The following RYR1 variants were observed in gnomAD, a reference collection of about 807,000 sequenced individuals.
RYR1 encodes central core disease of muscle.
In RYR1, 342 loss-of-function variants were observed where a neutral mutation model predicts 583.5. That is an observed-to-expected ratio of 0.59 (90% CI 0.54 to 0.64). The LOEUF (loss-of-function observed/expected upper bound fraction) is 0.64, where lower values mean the gene tolerates loss of function less well. Among genes scored for constraint, RYR1 ranks in the 30% least tolerant of loss-of-function variants. The pLI is 0.00. For missense variants in RYR1, 6,032 were observed against 6,917.2 expected (o/e 0.87, Z 4.54); for synonymous variants, 2,791 against 2,822.5 (o/e 0.99, Z 0.35).
In RYR1 at chr19:38,475,302, C is replaced by T. The variant is rs1402639127; in HGVS notation, c.4161-16C>T. ...TTGAAAGCTGGCTCTCATGGCGCCT[C>T]TCCTCCCACTACCAGCTTCTTATTC... On this transcript the variant is annotated splice_polypyrimidine_tract_variant and intron_variant, in intron 28 of 105. Coordinates refer to ENST00000359596, the MANE Select transcript of RYR1 (RefSeq NM_000540.3). The T allele has an allele frequency of 1.3e-6, 2 of 1,565,166 alleles. No individual in the cohort carries two copies. Among genetic ancestry groups the T allele is most frequent in the Non-Finnish European group, 1.7e-6 (2 of 1,155,050 alleles).
chr19:38,460,334 T>C lies in RYR1; in HGVS notation c.2361-41T>C. The C allele has an allele frequency of 3.8e-6, 6 of 1,572,096 alleles. No homozygotes were observed. The South Asian group carries it at 4.4e-5, about 12-fold the overall frequency. The stretch of plus-strand genomic sequence containing the variant: ...CCCACTGACCACAGACTGTCCCCCA[T>C]AACCTCCCCTCAATGATCCCCATTG... On this transcript the variant is annotated intron_variant, in intron 19 of 105. Transcript: ENST00000359596.
chr19:38,491,814 A>G (rs1238729451), intron 37 of RYR1, among the ~76,000 whole-genome samples: 2 of 152,116 alleles, frequency 1.3e-5, no homozygotes, highest in South Asian at 4.1e-4. Context: ...TGTTTCTCCT[A>G]TCAGCTCAAA....
intron 70 of RYR1, among the ~76,000 whole-genome samples, chr19:38,524,902 G>A (rs1971401458): frequency 6.6e-6 from 1 of 152,102 alleles, no homozygotes; most frequent in South Asian, 2.1e-4. Context: ...ACTGCTAGAA[G>A]TTGAGACAGG....
At position 38,578,080 on chromosome 19, in the gene RYR1, G is replaced by T. The variant is rs779648001; in HGVS notation, c.14303+32G>T. ...CCAGGACACCCCTGCACAGGCCTGG[G>T]GCATGCAGGGGAGGTGACTGGAGTC... On this transcript the variant is annotated intron_variant, in intron 98 of 105. Coordinates refer to ENST00000359596, the MANE Select transcript of RYR1 (RefSeq NM_000540.3). 17 of 1,613,724 alleles carry T rather than the reference G, an allele frequency of 1.1e-5. No individual in the cohort carries two copies. In the South Asian group the frequency reaches 1.9e-4, roughly 18 times the overall value.
At chr19:38,463,326 G>A in intron 20 of RYR1, 97 bp from the exon 21 acceptor site, 1 of 996,930 alleles carries the variant, frequency 1.0e-6, no homozygotes, top group Non-Finnish European at 1.6e-6. Context: ...GGTGCTGGAG[G>A]AGCCTCCCAG....
chr19:38,508,976 GC>G (rs1225581340), intron 58 of RYR1, among the ~76,000 whole-genome samples: 1 of 152,086 alleles, frequency 6.6e-6, no homozygotes, highest in East Asian at 1.9e-4. Context: ...CTGCTGGGGT[GC>G]CCCCCAGTGC....
chr19:38,439,046 A>G (rs1310981074), intron 1 of RYR1, among the ~76,000 whole-genome samples: 1 of 152,014 alleles, frequency 6.6e-6, no homozygotes, highest in African/African-American at 2.4e-5. Context: ...GACTTTATTC[A>G]CTGCTCTATA....
At chr19:38,441,994 G>A (rs957041232) in intron 2 of RYR1, among the ~76,000 whole-genome samples, 1 of 151,856 alleles carries the variant, frequency 6.6e-6, no homozygotes, top group Non-Finnish European at 1.5e-5. Flanking sequence ...GGAGATTCCT[G>A]TCCTTGGAGC....
chr19:38,584,302 C>T (rs1310254418), intron 101 of RYR1, among the ~76,000 whole-genome samples: 1 of 103,750 alleles, frequency 9.6e-6, no homozygotes, highest in East Asian at 3.5e-4. Context: ...TGTGCCCCCC[C>T]CCACCCATCC....
chr19:38,536,288 C>A (rs1055592202), intron 82 of RYR1, among the ~76,000 whole-genome samples: 3 of 146,704 alleles, frequency 2.0e-5, no homozygotes, highest in Non-Finnish European at 4.5e-5. Flanking sequence ...TCCGCCCCCC[C>A]CCGCCACCAG....
chr19:38,504,850 G>C lies in RYR1; in HGVS notation c.8170G>C (p.Glu2724Gln), dbSNP rs1289644223. Residue 2724 changes from glutamate (E) to glutamine (Q), a missense_variant, in exon 51 of 106, where the codon GAG becomes CAG. Glu to Gln is a conservative substitution (Grantham distance 29). Coordinates refer to ENST00000359596, the MANE Select transcript of RYR1 (RefSeq NM_000540.3). ...GGATGCCTCATACTCATCTAAGGCA[G>C]AGAAAAAGGCCACAGTGGATGCTGA... ...YVDASYSSKAEKKATVDAEGN... is the reference protein window; with the variant it reads ...YVDASYSSKAQKKATVDAEGN... The C allele has an allele frequency of 6.2e-7, 1 of 1,614,050 alleles. No individual in the cohort carries two copies. The highest frequency in any genetic ancestry group is 8.5e-7 in the Non-Finnish European group (1 of 1,180,020).
Position 38,565,663 on chromosome 19 carries a change from G to C in RYR1, c.13329G>C (p.Gly4443=), listed in dbSNP as rs1013631358. The C allele has an allele frequency of 1.2e-5, 16 of 1,391,282 alleles. No individual in the cohort carries two copies. Among genetic ancestry groups the C allele is most frequent in the Non-Finnish European group, 1.5e-5 (16 of 1,083,302 alleles). 86.2% of individuals were successfully genotyped at this position (1,391,282 alleles called of 1,614,324 possible). A position where few individuals can be genotyped will look rare whatever the true frequency, so the allele number is the denominator to read the frequency against. Reference sequence around the variant, plus strand: ...ACGGGGCGGTGGCCGTGACCGATGGGGGCCCCTTCCGGCCCGAAGGGGCTG... The same window carrying C: ...ACGGGGCGGTGGCCGTGACCGATGGCGGCCCCTTCCGGCCCGAAGGGGCTG... ...GADGAVAVTD[G]GPFRPEGAGG... The change falls in exon 91 of 106, where the codon GGG becomes GGC. Residue 4443 remains glycine (G), a synonymous_variant. Transcript: ENST00000359596. The surrounding 1 kb of genome is among the most constrained non-coding windows in gnomAD (Gnocchi z 4.7).
chr19:38,551,833 G>T (rs1254898625), intron 89 of RYR1, among the ~76,000 whole-genome samples: 1 of 152,176 alleles, frequency 6.6e-6, no homozygotes, highest in South Asian at 2.1e-4. Flanking sequence ...CACTGTGCCT[G>T]AGCCCTCCAC....
chr19:38,504,304 G>GAGCT lies in RYR1; in HGVS notation c.8012_8015dup (p.His2673AlafsTer13). Reference sequence around the variant, plus strand: ...CAACTTCGGGGTCACCTCAGAGGAGGAGCTGCACCTCACACGGAAACTCTT... The same window carrying GAGCT: ...CAACTTCGGGGTCACCTCAGAGGAGGAGCTAGCTGCACCTCACACGGAAACTCTT... On this transcript the variant is annotated frameshift_variant, in exon 50 of 106. Coordinates refer to ENST00000359596, the MANE Select transcript of RYR1 (RefSeq NM_000540.3). LOFTEE classifies it high-confidence loss of function. 6.2e-7 allele frequency: 1 copy of GAGCT among 1,614,148 alleles called. No homozygotes were observed. The highest frequency in any genetic ancestry group is 1.6e-4 in the Middle Eastern group (1 of 6,062).
At chr19:38,456,307 GCT>G (rs1967387302) in intron 16 of RYR1, among the ~76,000 whole-genome samples, 1 of 119,198 alleles carries the variant, frequency 8.4e-6, no homozygotes, top group South Asian at 2.6e-4. Flanking sequence ...ACAGAGTCTC[GCT>G]CTGTCACCCA....
chr19:38,463,150 C>A (rs1037764443), intron 20 of RYR1, among the ~76,000 whole-genome samples: 1 of 70,844 alleles, frequency 1.4e-5, no homozygotes, highest in Non-Finnish European at 3.8e-5. Flanking sequence ...TGCCCCCCCC[C>A]CCCCCACTTA....
chr19:38,500,983 T>C lies in RYR1; in HGVS notation c.7607T>C (p.Leu2536Pro). The C allele has an allele frequency of 1.9e-6, 3 of 1,613,316 alleles. No individual in the cohort carries two copies. Among genetic ancestry groups the C allele is most frequent in the Non-Finnish European group, 2.5e-6 (3 of 1,179,852 alleles). Reference protein sequence around the residue: ...FLPDMRAAASLDTATFSTTEM... With the variant: ...FLPDMRAAASPDTATFSTTEM... ...CCCGACATGAGGGCAGCCGCCTCGC[T>C]GGACACGGTGAGCAACCCTGCCCAG... The change falls in exon 47 of 106, where the codon CTG (leucine) becomes CCG (proline). Residue 2536 changes from leucine (L) to proline (P), a missense_variant. Transcript: ENST00000359596. The surrounding 1 kb of genome is among the most constrained non-coding windows in gnomAD (Gnocchi z 5.9).
rs754768762 is a variant in RYR1, at chr19:38,506,908, G to A, written c.8772G>A (p.Gln2924=). 12 of 1,613,144 alleles carry A rather than the reference G, an allele frequency of 7.4e-6. No homozygotes were observed. The African/African-American group carries it at 1.5e-4, about 20-fold the overall frequency. ...AGGCACGAGATCGAGAGAAGGCCCA[G>A]GAGCTACTGAAATTCCTGCAGATGA... is the stretch of plus-strand genomic sequence containing the variant. ...KEKARDREKA[Q]ELLKFLQMNG... is the part of the protein sequence containing the mutation. Residue 2924 remains glutamine, a synonymous_variant, in exon 57 of 106, where the codon CAG becomes CAA. Transcript: ENST00000359596.
chr19:38,587,339 G>T lies in RYR1; in HGVS notation c.15036G>T (p.Trp5012Cys). The T allele has an allele frequency of 5.0e-6, 8 of 1,613,722 alleles. No homozygotes were observed. Among genetic ancestry groups the T allele is most frequent in the Non-Finnish European group, 6.8e-6 (8 of 1,179,744 alleles). The change falls in exon 106 of 106, where the codon TGG becomes TGT. Residue 5012 changes from tryptophan (W) to cysteine (C), a missense_variant. Trp to Cys is a radical substitution (Grantham distance 215). Around this residue, in one of 11 missense-constraint regions of RYR1, gnomAD observed 189 missense variants for 350.3 expected, o/e 0.54. Coordinates refer to ENST00000359596, the MANE Select transcript of RYR1 (RefSeq NM_000540.3). ...CCCAATCCTAGGAGTCTTATGTCTG[G>T]AAGATGTACCAAGAGAGATGTTGGG... ...TEHTGQESYV[W>C]KMYQERCWDF...
Sources: allele counts gnomAD v4.1 joint callset (sites outside exome capture counted in the v4.1 genomes callset), GRCh38; gene constraint gnomAD v4.1.1; regional missense constraint gnomAD v4.1.1; non-coding constraint Gnocchi (gnomAD v3.1); transcripts MANE v1.5; gene names NCBI Gene and HGNC (gene_info 2026-07-23, HGNC 2026-07-21).